Variants in FANCB observed in about 807,000 individuals in gnomAD.
FANCB encodes FA complementation group B.
In FANCB, 5 loss-of-function variants were observed where a neutral mutation model predicts 38.9. That is an observed-to-expected ratio of 0.13 (90% CI 0.07 to 0.27). The LOEUF (loss-of-function observed/expected upper bound fraction) is 0.27, where lower values mean the gene tolerates loss of function less well. FANCB is among the 10% of genes least tolerant of loss of function. The pLI, the probability that FANCB is intolerant of heterozygous loss-of-function variation, is 1.00. For synonymous variants in FANCB, 236 were observed against 215.4 expected (o/e 1.10, Z -0.84); for missense variants, 573 against 602.7 (o/e 0.95, Z 0.52).
chrX:14,857,454 G>GA (rs752325543), intron 5 of FANCB, among the ~76,000 whole-genome samples: 4 of 110,230 alleles, frequency 3.6e-5, no homozygotes, highest in East Asian at 5.7e-4. Flanking sequence ...GTACATTTGG[G>GA]AAAAAAAATA....
the FANCB span, among the ~76,000 whole-genome samples, chrX:14,742,663 C>A: frequency 8.9e-6 from 1 of 111,936 alleles, no homozygotes; most frequent in African/African-American, 3.2e-5. Context: ...TAAATGAAGT[C>A]TATTCCTTTG....
the FANCB span, among the ~76,000 whole-genome samples, chrX:14,706,398 C>T: frequency 0.1 from 11,242 of 111,950 alleles, 809 homozygotes; most frequent in African/African-American, 0.25. Flanking sequence ...ACAAGGCATA[C>T]TATTACTATT....
the FANCB span, among the ~76,000 whole-genome samples, chrX:14,691,345 A>G: frequency 9.5e-6 from 1 of 105,007 alleles, no homozygotes; most frequent in Non-Finnish European, 1.9e-5. Context: ...GTGCGTGTAC[A>G]TCACTGATCT....
chrX:14,730,354 A>T, the FANCB span: 1 of 1,210,863 alleles, frequency 8.3e-7, no homozygotes, highest in South Asian at 1.8e-5. Flanking sequence ...TATCAAGAAG[A>T]AGTTTGTGGA....
chrX:14,762,409 A>G, the FANCB span, among the ~76,000 whole-genome samples: 1 of 110,865 alleles, frequency 9.0e-6, no homozygotes. Context: ...GGCCTCCCAC[A>G]GTGTTGAGAT....
the FANCB span, among the ~76,000 whole-genome samples, chrX:14,772,122 G>C: frequency 9.0e-6 from 1 of 111,507 alleles, no homozygotes; most frequent in Non-Finnish European, 1.9e-5. Flanking sequence ...ACTGGCTGCA[G>C]ATGTGCTGTG....
the FANCB span, among the ~76,000 whole-genome samples, chrX:14,719,343 ACAACT>A: frequency 1.8e-5 from 2 of 111,860 alleles, no homozygotes; most frequent in Non-Finnish European, 3.8e-5. Context: ...AGGAGCTCAA[ACAACT>A]CAACAGCAAA....
At chrX:14,765,815 G>A in the FANCB span, among the ~76,000 whole-genome samples, 58 of 111,739 alleles carry the variant, frequency 5.2e-4, 2 homozygotes, top group Non-Finnish European at 3.2e-4. Flanking sequence ...TGAGAGATCA[G>A]GCAGTGTCCA....
At chrX:14,815,013 C>G in the FANCB span, among the ~76,000 whole-genome samples, 1 of 111,384 alleles carries the variant, frequency 9.0e-6, no homozygotes, top group Non-Finnish European at 1.9e-5. Context: ...AGTTCATGTC[C>G]TTTGTAAGGA....
At chrX:14,860,731 C>G (rs1174490831) in intron 3 of FANCB, among the ~76,000 whole-genome samples, 1 of 111,971 alleles carries the variant, frequency 8.9e-6, no homozygotes, top group African/African-American at 3.2e-5. Context: ...TGTTTTAATT[C>G]AGACTAGCCA....
the FANCB span, among the ~76,000 whole-genome samples, chrX:14,807,568 G>C: frequency 1.8e-5 from 2 of 111,713 alleles, no homozygotes; most frequent in Non-Finnish European, 3.8e-5. Flanking sequence ...CTCATACAAT[G>C]TCTTCAGTAG....
the FANCB span, among the ~76,000 whole-genome samples, chrX:14,739,741 T>C: frequency 8.9e-6 from 1 of 112,014 alleles, no homozygotes; most frequent in Non-Finnish European, 1.9e-5. Context: ...GTTTGCTTTG[T>C]TACACATGCT....
chrX:14,755,726 C>T, the FANCB span, among the ~76,000 whole-genome samples: 1 of 110,892 alleles, frequency 9.0e-6, no homozygotes, highest in Non-Finnish European at 1.9e-5. Context: ...ACCATACTAC[C>T]CATAGTGATC....
At chrX:14,743,319 T>A in the FANCB span, among the ~76,000 whole-genome samples, 1 of 111,564 alleles carries the variant, frequency 9.0e-6, no homozygotes, top group Non-Finnish European at 1.9e-5. Flanking sequence ...GTCAAAGGTA[T>A]CTGAAAACTA....
At chrX:14,758,468 C>T in the FANCB span, among the ~76,000 whole-genome samples, 1 of 111,950 alleles carries the variant, frequency 8.9e-6, no homozygotes, top group Non-Finnish European at 1.9e-5. Flanking sequence ...ACAGAGTCCA[C>T]ATCACTCCCC....
At chrX:14,736,025 T>C in the FANCB span, among the ~76,000 whole-genome samples, 1 of 111,272 alleles carries the variant, frequency 9.0e-6, no homozygotes, top group African/African-American at 3.3e-5. Flanking sequence ...TGTGACTTTG[T>C]TTACACTGTG....
the FANCB span, among the ~76,000 whole-genome samples, chrX:14,693,025 TAAAACTTAAAGTATAATAACAAAAAAAA>T: frequency 9.8e-6 from 1 of 102,167 alleles, no homozygotes; most frequent in Admixed American, 1.1e-4. Flanking sequence ...ACATGTACCC[TAAAACTTAAAGTATAATAACAAAAAAAA>T]AAAAGAAAGA....
chrX:14,848,608 T>G (rs1419880152), intron 7 of FANCB, among the ~76,000 whole-genome samples: 1 of 111,956 alleles, frequency 8.9e-6, no homozygotes, highest in East Asian at 2.8e-4. Flanking sequence ...GATTAATATC[T>G]TGCTAATCAT....
At chrX:14,824,053 G>A in the FANCB span, among the ~76,000 whole-genome samples, 369 of 111,797 alleles carry the variant, frequency 3.3e-3, 3 homozygotes, top group African/African-American at 0.011. Flanking sequence ...AAAGCATGCA[G>A]TTTATATAGT....
Sources: allele counts gnomAD v4.1 joint callset (sites outside exome capture counted in the v4.1 genomes callset), GRCh38; gene constraint gnomAD v4.1.1; transcripts MANE v1.5; gene names NCBI Gene and HGNC (gene_info 2026-07-23, HGNC 2026-07-21).